MAP1B: variants seen among roughly 807,000 people sequenced by gnomAD.
MAP1B encodes the protein microtubule associated protein 1B.
A neutral mutation model predicts 176.1 loss-of-function variants in MAP1B; 12 were observed. The ratio of observed to expected loss-of-function variants is 0.07; its 90% confidence interval spans 0.04 to 0.11. The LOEUF is 0.11. MAP1B is among the 10% of genes least tolerant of loss of function. MAP1B has a pLI of 1.00. For missense variants in MAP1B, 2,523 were observed against 2,990.5 expected (o/e 0.84, Z 3.65); for synonymous variants, 1,044 against 1,135.0 (o/e 0.92, Z 1.61).
intron 2 of MAP1B, among the ~76,000 whole-genome samples, chr5:72,121,938 G>A (rs73761721): frequency 0.02 from 3,093 of 152,260 alleles, 103 homozygotes; most frequent in African/African-American, 0.069. Flanking sequence ...AGGGACAGCC[G>A]ATTCTTTATC....
At position 72,207,392 on chromosome 5, in the gene MAP1B, G is replaced by A. The variant is rs555587819; in HGVS notation, c.*2153G>A. ...TATGTTTTGCACTGCTAACTATGATGAGGGTTTAAAAAAATGCTTCTTCAG... is the reference window on the plus strand; with the variant it reads ...TATGTTTTGCACTGCTAACTATGATAAGGGTTTAAAAAAATGCTTCTTCAG... On this transcript the variant is annotated 3_prime_UTR_variant, in exon 7 of 7. Coordinates refer to ENST00000296755, the MANE Select transcript of MAP1B (RefSeq NM_005909.5). 1 of 152,300 alleles carries A rather than the reference G, an allele frequency of 6.6e-6. No homozygotes were observed. Among genetic ancestry groups the A allele is most frequent in the South Asian group, 2.1e-4 (1 of 4,814 alleles). The allele number at this position is 152,300 out of a possible 1,614,324, so 9.4% of individuals were successfully genotyped here.
At chr5:72,185,206 C>T (rs1012274284) in intron 3 of MAP1B, among the ~76,000 whole-genome samples, 4 of 152,238 alleles carry the variant, frequency 2.6e-5, no homozygotes, top group African/African-American at 9.6e-5. Flanking sequence ...CCTCAGTTGA[C>T]GGACACTTGA....
chr5:72,180,299 C>T (rs1323133862), intron 2 of MAP1B, among the ~76,000 whole-genome samples: 1 of 152,110 alleles, frequency 6.6e-6, no homozygotes, highest in Non-Finnish European at 1.5e-5. Context: ...GCTCTGGGTG[C>T]CCACAACAAA....
chr5:72,183,641 G>A (rs867846496), intron 2 of MAP1B, 102 bp from the exon 3 acceptor site: 6 of 783,788 alleles, frequency 7.7e-6, no homozygotes, highest in Middle Eastern at 4.6e-4. Context: ...TGTGTACCAC[G>A]TCGGAGGCAG....
intron 2 of MAP1B, among the ~76,000 whole-genome samples, chr5:72,134,849 C>G (rs550206749): frequency 6.7e-6 from 1 of 150,328 alleles, no homozygotes; most frequent in South Asian, 2.2e-4. Context: ...GGCGGCTGGT[C>G]CCATCAGACC....
chr5:72,206,282 G>A lies in MAP1B; in HGVS notation c.*1043G>A, dbSNP rs201680197. ...CATATAGGATTATAGATACTTAAAG[G>A]AACACGTGGGTGAGCGTGTGTGGGG... On this transcript the variant is annotated 3_prime_UTR_variant, in exon 7 of 7. Transcript: ENST00000296755. 6.5e-6 allele frequency: 1 copy of A among 152,672 alleles called. No individual in the cohort carries two copies. The highest frequency in any genetic ancestry group is 1.9e-4 in the East Asian group (1 of 5,200). 9.5% of individuals were successfully genotyped at this position (152,672 alleles called of 1,614,324 possible).
chr5:72,146,399 C>T (rs1022388484), intron 2 of MAP1B, among the ~76,000 whole-genome samples: 10 of 152,156 alleles, frequency 6.6e-5, no homozygotes, highest in East Asian at 1.9e-4. Flanking sequence ...CATTTGAGTC[C>T]GGGTTTGCTC....
intron 2 of MAP1B, chr5:72,180,015 G>C: frequency 1.3e-6 from 1 of 753,996 alleles, no homozygotes; most frequent in Non-Finnish European, 1.6e-6. Context: ...GGGCCACCTC[G>C]GCAGCAGGCG....
chr5:72,179,694 G>A, intron 2 of MAP1B: 1 of 985,460 alleles, frequency 1.0e-6, no homozygotes, highest in Non-Finnish European at 1.2e-6. Flanking sequence ...CAGTCTGGCC[G>A]TGACAAGAGC....
At position 72,199,982 on chromosome 5, in the gene MAP1B, C is replaced by T; in HGVS notation, c.6627C>T (p.Ser2209=). The T allele has an allele frequency of 6.2e-7, 1 of 1,614,222 alleles. No individual in the cohort carries two copies. The highest frequency in any genetic ancestry group is 8.5e-7 in the Non-Finnish European group (1 of 1,180,056). The change falls in exon 5 of 7, where the codon AGC becomes AGT. Residue 2209 remains serine (S), a synonymous_variant. Transcript: ENST00000296755. The surrounding 1 kb of genome is among the most constrained non-coding windows in gnomAD (Gnocchi z 4.2). ...CTCCAGCTCCCGTGCAAGACCGCAG[C>T]CCTTCGCCACGCCACCCTGATGTGT... ...DPPPAPVQDR[S]PSPRHPDVSM... is the part of the protein sequence containing the mutation.
chr5:72,139,255 G>A (rs1745895739), intron 2 of MAP1B, among the ~76,000 whole-genome samples: 1 of 152,202 alleles, frequency 6.6e-6, no homozygotes, highest in South Asian at 2.1e-4. Flanking sequence ...ATGATCTCCA[G>A]TTCTGGTAAC....
chr5:72,167,573 C>G (rs1422077844), intron 2 of MAP1B, among the ~76,000 whole-genome samples: 1 of 152,140 alleles, frequency 6.6e-6, no homozygotes, highest in Non-Finnish European at 1.5e-5. Context: ...CTCTAGTGTT[C>G]CGTTAGATAT....
At chr5:72,172,050 A>C (rs1280423679) in intron 2 of MAP1B, among the ~76,000 whole-genome samples, 2 of 152,214 alleles carry the variant, frequency 1.3e-5, no homozygotes, top group Admixed American at 1.3e-4. Flanking sequence ...TTTATGTCAA[A>C]TCCTGTAATG....
chr5:72,183,947 T>G (rs1218058869), intron 3 of MAP1B, 122 bp downstream of exon 3: 7 of 801,088 alleles, frequency 8.7e-6, no homozygotes, highest in Middle Eastern at 3.2e-4. Flanking sequence ...AGTTCTGGGT[T>G]AAGAGGTCTT....
At chr5:72,139,993 G>C (rs1010819412) in intron 2 of MAP1B, among the ~76,000 whole-genome samples, 13 of 151,148 alleles carry the variant, frequency 8.6e-5, no homozygotes, top group African/African-American at 3.2e-4. Flanking sequence ...ACAGGGTCTT[G>C]TTCTGTCACC....
At position 72,194,782 on chromosome 5, in the gene MAP1B, A is replaced by T; in HGVS notation, c.1427A>T (p.His476Leu). The T allele has an allele frequency of 6.2e-7, 1 of 1,614,212 alleles. No individual in the cohort carries two copies. The highest frequency in any genetic ancestry group is 8.5e-7 in the Non-Finnish European group (1 of 1,180,038). ...LTSVSSLIVWHPANPAEKIIR... is the reference protein window; with the variant it reads ...LTSVSSLIVWLPANPAEKIIR... The stretch of plus-strand genomic sequence containing the variant: ...TCAGTCTCATCTTTGATTGTGTGGC[A>T]TCCAGCAAACCCTGCGGAGAAAATC... Residue 476 changes from histidine to leucine, a missense_variant, in exon 5 of 7, where the codon CAT becomes CTT. By Grantham distance (99) the His-to-Leu change is moderately conservative. Coordinates refer to ENST00000296755, the MANE Select transcript of MAP1B (RefSeq NM_005909.5). The surrounding 1 kb of genome is among the most constrained non-coding windows in gnomAD (Gnocchi z 7.2).
At position 72,186,584 on chromosome 5, in the gene MAP1B, T is replaced by C. The variant is rs750157360; in HGVS notation, c.370-30T>C. ...GTGGGATGGCAGCACTGCCCATGGCTCAGGGCCTACGTTCTGTGCTTTATT... is the reference window on the plus strand; with the variant it reads ...GTGGGATGGCAGCACTGCCCATGGCCCAGGGCCTACGTTCTGTGCTTTATT... On this transcript the variant is annotated intron_variant, in intron 3 of 6. Coordinates refer to ENST00000296755, the MANE Select transcript of MAP1B (RefSeq NM_005909.5). This position sits in a 1 kb window ranked among gnomAD's most constrained non-coding sequence, Gnocchi z 4.3. 1.2e-6 allele frequency: 2 copies of C among 1,611,538 alleles called. No individual in the cohort carries two copies.
intron 2 of MAP1B, among the ~76,000 whole-genome samples, chr5:72,126,414 C>T (rs772572426): frequency 6.6e-6 from 1 of 152,220 alleles, no homozygotes; most frequent in African/African-American, 2.4e-5. Flanking sequence ...CTGTGACATA[C>T]TCCATCTAAT....
intron 2 of MAP1B, 154 bp downstream of exon 2, chr5:72,115,953 T>G (rs1461822716): frequency 3.4e-6 from 2 of 584,162 alleles, no homozygotes; most frequent in East Asian, 6.1e-5. Context: ...AGCCACAGTT[T>G]AGGAAGTCAC....
Sources: allele counts gnomAD v4.1 joint callset (sites outside exome capture counted in the v4.1 genomes callset), GRCh38; gene constraint gnomAD v4.1.1; non-coding constraint Gnocchi (gnomAD v3.1); transcripts MANE v1.5; gene names NCBI Gene and HGNC (gene_info 2026-07-23, HGNC 2026-07-21).